The following MNS1 variants were observed in gnomAD, a reference collection of about 807,000 sequenced individuals.
The protein encoded by MNS1 is meiosis-specific nuclear structural protein 1.
A neutral mutation model predicts 72.0 loss-of-function variants in MNS1; 63 were observed. The ratio of observed to expected loss-of-function variants is 0.87; its 90% confidence interval spans 0.71 to 1.08. MNS1 has a LOEUF of 1.08. Ranked by LOEUF, MNS1 falls within the 50% of genes least tolerant of loss-of-function variation. The pLI, the probability that MNS1 is intolerant of heterozygous loss-of-function variation, is 0.00. For synonymous variants in MNS1, 188 were observed against 172.1 expected, an observed-to-expected ratio of 1.09 and a Z score of -0.72; for missense variants, 604 against 562.4, an observed-to-expected ratio of 1.07 and a Z score of -0.75.
chr15:56,460,953 A>G (rs758255026), intron 2 of MNS1, among the ~76,000 whole-genome samples: 14 of 152,314 alleles, frequency 9.2e-5, no homozygotes, highest in Non-Finnish European at 1.5e-4. Flanking sequence ...GTTTTGTTCT[A>G]GTTTGAGTCC....
intron 4 of MNS1, among the ~76,000 whole-genome samples, chr15:56,445,466 CAG>C (rs1210231703): frequency 2.0e-5 from 3 of 151,980 alleles, no homozygotes; most frequent in Non-Finnish European, 4.4e-5. Context: ...AAAGAGTAAA[CAG>C]ATTAAAATAT....
intron 7 of MNS1, among the ~76,000 whole-genome samples, chr15:56,434,646 C>A (rs1177727988): frequency 6.6e-6 from 1 of 152,126 alleles, no homozygotes; most frequent in Non-Finnish European, 1.5e-5. Flanking sequence ...TTTCTCTACT[C>A]AGAATTAACA....
chr15:56,429,961 A>C (rs1380208388), intron 9 of MNS1: 2 of 152,230 alleles, frequency 1.3e-5, no homozygotes, highest in Admixed American at 6.5e-5. Context: ...TATTAATTAC[A>C]TATGGATTTT....
At chr15:56,443,395 CTACAT>C in intron 7 of MNS1, 30 bp downstream of exon 7, 1 of 1,439,356 alleles carries the variant, frequency 6.9e-7, no homozygotes, top group African/African-American at 1.4e-5. Flanking sequence ...ATATTCTTCT[CTACAT>C]TAATCATTCT....
chr15:56,429,702 T>A (rs2140309118), intron 9 of MNS1: 1 of 152,344 alleles, frequency 6.6e-6, no homozygotes, highest in African/African-American at 2.4e-5. Context: ...ATTTTTCTTT[T>A]CCCCTACAGT....
chr15:56,430,111 G>A (rs2050536033), intron 9 of MNS1: 1 of 152,136 alleles, frequency 6.6e-6, no homozygotes. Flanking sequence ...ATATGCACTT[G>A]ATTCTACTGA....
At chr15:56,439,009 A>C (rs967330705) in intron 7 of MNS1, among the ~76,000 whole-genome samples, 2 of 152,108 alleles carry the variant, frequency 1.3e-5, no homozygotes, top group Non-Finnish European at 2.9e-5. Context: ...AGAAAGGAAG[A>C]AACAGCCTGT....
At chr15:56,464,312 T>C (rs2051044031) in intron 1 of MNS1, 65 bp from the exon 2 acceptor site, 3 of 1,179,952 alleles carry the variant, frequency 2.5e-6, no homozygotes, top group East Asian at 2.3e-5. Context: ...AAAAAATGTA[T>C]TGATATAAAC....
At position 56,429,151 on chromosome 15, in the gene MNS1, CT is replaced by C. The variant is rs756973803; in HGVS notation, c.1437del (p.Glu480SerfsTer23). On this transcript the variant is annotated frameshift_variant, in exon 10 of 10. Coordinates refer to ENST00000260453, the MANE Select transcript of MNS1 (RefSeq NM_018365.4). LOFTEE classifies it high-confidence loss of function. ...CTTTGTTGATATACTTTCCTGAACT[CT>C]TCACCAAGCAGATCAATATCATCCT... ...KKEDDIDLLG[E>X]EFRKVYQQRS... 1.9e-6 allele frequency: 3 copies of C among 1,602,340 alleles called. No individual in the cohort carries two copies. The South Asian group carries it at 3.4e-5, about 18-fold the overall frequency.
chr15:56,436,686 T>A (rs1388707436), intron 7 of MNS1, among the ~76,000 whole-genome samples: 1 of 151,756 alleles, frequency 6.6e-6, no homozygotes, highest in Admixed American at 6.6e-5. Context: ...TCTGAGAAGA[T>A]CAACAAAATT....
At position 56,443,638 on chromosome 15, in the gene MNS1, C is replaced by T. The variant is rs752057711; in HGVS notation, c.903G>A (p.Ala301=). 7 of 1,610,272 alleles carry T rather than the reference C, an allele frequency of 4.3e-6. No individual in the cohort carries two copies. Among genetic ancestry groups the T allele is most frequent in the South Asian group, 2.2e-5 (2 of 89,978 alleles). Residue 301 remains alanine (A), a splice_region_variant and synonymous_variant, in exon 6 of 10, where the codon GCG becomes GCA. Transcript: ENST00000260453. Reference sequence around the variant, plus strand: ...GTTAAAGAAGTGGTTATTTTAATACCGCATTCTGAAGCTGTAGCCTTTTCT... The same window carrying T: ...GTTAAAGAAGTGGTTATTTTAATACTGCATTCTGAAGCTGTAGCCTTTTCT... ...NEEKRLQLQN[A]LTQKLEEMLR...
At chr15:56,439,544 G>T (rs1273838464) in intron 7 of MNS1, among the ~76,000 whole-genome samples, 3 of 152,048 alleles carry the variant, frequency 2.0e-5, no homozygotes, top group Non-Finnish European at 4.4e-5. Context: ...ACAAAATAGA[G>T]ACCACAGGAA....
At chr15:56,464,723 T>C (rs2051047314) in intron 1 of MNS1, among the ~76,000 whole-genome samples, 1 of 152,200 alleles carries the variant, frequency 6.6e-6, no homozygotes, top group African/African-American at 2.4e-5. Context: ...TATCTACTTA[T>C]TTCTTCAGAG....
intron 2 of MNS1, among the ~76,000 whole-genome samples, chr15:56,459,731 CCACTTTGGGAG>C (rs1157879539): frequency 6.6e-6 from 1 of 151,542 alleles, no homozygotes; most frequent in Non-Finnish European, 1.5e-5. Flanking sequence ...TGCCTGTAAT[CCACTTTGGGAG>C]CACTTTGGGA....
At chr15:56,435,935 T>C (rs553670933) in intron 7 of MNS1, among the ~76,000 whole-genome samples, 1 of 152,052 alleles carries the variant, frequency 6.6e-6, no homozygotes, top group Non-Finnish European at 1.5e-5. Context: ...ATTAAAAGAA[T>C]TATTCACCAT....
intron 9 of MNS1, chr15:56,429,495 T>G: frequency 3.7e-6 from 1 of 272,680 alleles, no homozygotes; most frequent in Non-Finnish European, 6.8e-6. Context: ...AGGCACTTCA[T>G]CTATACTGTA....
chr15:56,452,872 G>A (rs574524569), intron 3 of MNS1, among the ~76,000 whole-genome samples: 1 of 152,228 alleles, frequency 6.6e-6, no homozygotes, highest in South Asian at 2.1e-4. Context: ...AGCAGTTAAG[G>A]TGGTAAGAAC....
chr15:56,437,831 CAGAG>C (rs1204949279), intron 7 of MNS1, among the ~76,000 whole-genome samples: 1 of 152,128 alleles, frequency 6.6e-6, no homozygotes, highest in Non-Finnish European at 1.5e-5. Context: ...AACAGACAGA[CAGAG>C]AGCCAAATCA....
chr15:56,451,934 T>C (rs1040759565), intron 3 of MNS1, among the ~76,000 whole-genome samples: 37 of 152,334 alleles, frequency 2.4e-4, no homozygotes, highest in Non-Finnish European at 5.3e-4. Context: ...GAAAATACTA[T>C]GTATAAATTG....
Sources: allele counts gnomAD v4.1 joint callset (sites outside exome capture counted in the v4.1 genomes callset), GRCh38; gene constraint gnomAD v4.1.1; transcripts MANE v1.5; gene names NCBI Gene and HGNC (gene_info 2026-07-23, HGNC 2026-07-21).